The following R3HCC1L variants were observed in gnomAD, a reference collection of about 807,000 sequenced individuals.
The protein encoded by R3HCC1L is coiled-coil domain-containing protein R3HCC1L.
Under a neutral mutation model 59.9 loss-of-function variants are expected in R3HCC1L, and 51 were observed. That is an observed-to-expected ratio of 0.85 (90% CI 0.68 to 1.07). R3HCC1L has a LOEUF of 1.07. R3HCC1L is among the 50% of genes least tolerant of loss of function. The pLI, the probability that R3HCC1L is intolerant of heterozygous loss-of-function variation, is 0.00. For missense variants in R3HCC1L, 965 were observed against 933.0 expected, an observed-to-expected ratio of 1.03 and a Z score of -0.45; for synonymous variants, 322 against 315.2, an observed-to-expected ratio of 1.02 and a Z score of -0.23.
intron 4 of R3HCC1L, among the ~76,000 whole-genome samples, chr10:98,179,357 G>A (rs1849386354): frequency 6.6e-6 from 1 of 152,014 alleles, no homozygotes. Context: ...TTATGTGATG[G>A]ATTACATTTA....
At chr10:98,230,011 A>G (rs935326755) in intron 5 of R3HCC1L, among the ~76,000 whole-genome samples, 2 of 151,528 alleles carry the variant, frequency 1.3e-5, no homozygotes, top group South Asian at 2.1e-4. Context: ...TTTTGCATCA[A>G]TGTTCATCAG....
rs182258692 is a variant in R3HCC1L at position 98,231,699 on chromosome 10, A to G, written c.1961+12A>G. 1.5e-4 allele frequency: 240 copies of G among 1,586,794 alleles called. No homozygotes were observed. The highest frequency in any genetic ancestry group is 2.0e-4 in the Non-Finnish European group (238 of 1,163,676). On this transcript the variant is annotated intron_variant, in intron 6 of 9. Transcript: ENST00000298999. ...TTCTGCAGTTATCAGTGAGTATGCA[A>G]ATGATTGTGGATGTTAGGGAGGGTG... is the stretch of plus-strand genomic sequence containing the variant.
At chr10:98,216,521 T>A (rs1854225265) in intron 5 of R3HCC1L, among the ~76,000 whole-genome samples, 1 of 152,098 alleles carries the variant, frequency 6.6e-6, no homozygotes, top group South Asian at 2.1e-4. Flanking sequence ...TCAACATACA[T>A]GTATTTGTTG....
In R3HCC1L at chr10:98,208,656, A is replaced by C; in HGVS notation, c.542A>C (p.Gln181Pro). Reference protein sequence around the residue: ...SEAQVPSKPFQNVEFCDFSRH... With the variant: ...SEAQVPSKPFPNVEFCDFSRH... ...GCTCAAGTTCCAAGCAAACCATTCC[A>C]AAATGTGGAATTCTGTGACTTCAGT... Residue 181 changes from glutamine to proline, a missense_variant, in exon 5 of 10, where the codon CAA (glutamine) becomes CCA (proline). Coordinates refer to ENST00000298999, the MANE Select transcript of R3HCC1L (RefSeq NM_001351015.2). The C allele has an allele frequency of 6.2e-7, 1 of 1,614,172 alleles. No homozygotes were observed. The highest frequency in any genetic ancestry group is 8.5e-7 in the Non-Finnish European group (1 of 1,180,018).
intron 4 of R3HCC1L, among the ~76,000 whole-genome samples, chr10:98,165,353 T>C (rs1362220794): frequency 6.6e-6 from 1 of 152,148 alleles, no homozygotes; most frequent in Non-Finnish European, 1.5e-5. Flanking sequence ...TTGAGGAGAC[T>C]AGAAATACCA....
chr10:98,223,344 A>G (rs1306742843), intron 5 of R3HCC1L, among the ~76,000 whole-genome samples: 1 of 152,120 alleles, frequency 6.6e-6, no homozygotes, highest in Non-Finnish European at 1.5e-5. Context: ...ATCCACCATG[A>G]TCAAGTGGGC....
intron 4 of R3HCC1L, among the ~76,000 whole-genome samples, chr10:98,172,379 C>G (rs1428112917): frequency 2.0e-5 from 3 of 152,194 alleles, no homozygotes; most frequent in Admixed American, 6.5e-5. Context: ...GAAACTGTAA[C>G]ATTTTTAGCG....
At chr10:98,227,061 A>G (rs1256586682) in intron 5 of R3HCC1L, among the ~76,000 whole-genome samples, 1 of 152,208 alleles carries the variant, frequency 6.6e-6, no homozygotes, top group Non-Finnish European at 1.5e-5. Context: ...TCTGCTTTCT[A>G]CATCCTAAGC....
intron 1 of R3HCC1L, among the ~76,000 whole-genome samples, chr10:98,139,217 T>A (rs1346556082): frequency 6.6e-6 from 1 of 152,218 alleles, no homozygotes; most frequent in Admixed American, 6.5e-5. Context: ...GTATATTTTT[T>A]ATTTGGCCCT....
chr10:98,218,907 C>T (rs546356261), intron 5 of R3HCC1L, among the ~76,000 whole-genome samples: 4 of 152,048 alleles, frequency 2.6e-5, no homozygotes, highest in African/African-American at 7.2e-5. Flanking sequence ...CTGAGTTGAT[C>T]GCTTTATCAT....
At chr10:98,159,076 G>C (rs936935008) in intron 2 of R3HCC1L, among the ~76,000 whole-genome samples, 2 of 152,114 alleles carry the variant, frequency 1.3e-5, no homozygotes, top group Admixed American at 1.3e-4. Context: ...AAAAAGTGTT[G>C]GGATTACAGG....
At chr10:98,160,227 G>GT (rs777069589) in intron 2 of R3HCC1L, among the ~76,000 whole-genome samples, 5 of 152,304 alleles carry the variant, frequency 3.3e-5, no homozygotes, top group Non-Finnish European at 5.9e-5. Flanking sequence ...TGTTTATAGT[G>GT]TTTTTCGTTT....
At chr10:98,215,022 G>C (rs145789140) in intron 5 of R3HCC1L, among the ~76,000 whole-genome samples, 2 of 152,170 alleles carry the variant, frequency 1.3e-5, no homozygotes, top group Admixed American at 1.3e-4. Flanking sequence ...GCCAGAGTTG[G>C]CATTAGAATC....
intron 4 of R3HCC1L, among the ~76,000 whole-genome samples, chr10:98,188,944 AGAATCAAAT>A (rs1327702434): frequency 6.6e-6 from 1 of 152,178 alleles, no homozygotes; most frequent in Non-Finnish European, 1.5e-5. Flanking sequence ...GGTTGTTGGG[AGAATCAAAT>A]GAAATGTTAC....
At chr10:98,179,552 T>C (rs916989796) in intron 4 of R3HCC1L, among the ~76,000 whole-genome samples, 2 of 152,352 alleles carry the variant, frequency 1.3e-5, no homozygotes, top group African/African-American at 4.8e-5. Flanking sequence ...TGCCAGGCTT[T>C]GGTATCAGGA....
intron 1 of R3HCC1L, among the ~76,000 whole-genome samples, chr10:98,149,609 T>A (rs1014752364): frequency 6.6e-6 from 1 of 152,232 alleles, no homozygotes; most frequent in African/African-American, 2.4e-5. Context: ...ATCATTCAGA[T>A]GTTGCTTAAT....
chr10:98,173,497 A>G (rs1019506565), intron 4 of R3HCC1L, among the ~76,000 whole-genome samples: 3 of 152,178 alleles, frequency 2.0e-5, no homozygotes, highest in Admixed American at 6.5e-5. Flanking sequence ...TCCTGGGCCT[A>G]TTGATCCACC....
chr10:98,217,970 T>G (rs1353477237), intron 5 of R3HCC1L, among the ~76,000 whole-genome samples: 1 of 152,180 alleles, frequency 6.6e-6, no homozygotes, highest in Non-Finnish European at 1.5e-5. Flanking sequence ...GAGATACAGT[T>G]TGACTTCCTC....
intron 4 of R3HCC1L, among the ~76,000 whole-genome samples, chr10:98,171,954 T>G (rs1848553130): frequency 6.6e-6 from 1 of 152,118 alleles, no homozygotes; most frequent in Non-Finnish European, 1.5e-5. Flanking sequence ...TACTATTATG[T>G]TTAATATGTA....
Sources: gnomAD v4.1 joint callset for allele counts (sites outside exome capture counted in the v4.1 genomes callset) on GRCh38, gnomAD v4.1.1 for gene constraint, MANE v1.5 for transcripts, NCBI Gene and HGNC (gene_info 2026-07-23, HGNC 2026-07-21) for gene names.